The following RPH3A variants were observed in gnomAD, a reference collection of about 807,000 sequenced individuals.
RPH3A encodes the protein rabphilin-3A.
Under a neutral mutation model 102.2 loss-of-function variants are expected in RPH3A, and 48 were observed. That is an observed-to-expected ratio of 0.47 (90% CI 0.37 to 0.60). The LOEUF is 0.60. Ranked by LOEUF, RPH3A falls within the 20% of genes least tolerant of loss-of-function variation. The probability of loss-of-function intolerance (pLI) is 0.00; values close to 1 mark genes in which losing one functional copy is unlikely to be tolerated. For synonymous variants in RPH3A, 310 were observed against 324.3 expected (o/e 0.96, Z 0.47); for missense variants, 781 against 910.1 (o/e 0.86, Z 1.83).
At chr12:112,887,757 T>C (rs1187172364) in intron 16 of RPH3A, 40 bp from the exon 17 acceptor site, 2 of 1,603,864 alleles carry the variant, frequency 1.2e-6, no homozygotes, top group Middle Eastern at 1.7e-4. Flanking sequence ...TCTTAATATT[T>C]GTTCCTGTTT....
intron 14 of RPH3A, 39 bp from the exon 15 acceptor site, chr12:112,881,733 C>T (rs1162097544): frequency 6.6e-7 from 1 of 1,511,520 alleles, no homozygotes; most frequent in Non-Finnish European, 9.1e-7. Context: ...GCACTGGGCC[C>T]TCCTGAGGCC....
rs750818252 is a variant in RPH3A, at chr12:112,895,788, T to C, written c.1869T>C (p.Tyr623=). The C allele has an allele frequency of 1.9e-6, 3 of 1,613,464 alleles. No individual in the cohort carries two copies. Among genetic ancestry groups the C allele is most frequent in the Non-Finnish European group, 2.5e-6 (3 of 1,179,516 alleles). Residue 623 remains tyrosine, a synonymous_variant, in exon 21 of 22, where the codon TAT becomes TAC. Transcript: ENST00000389385. ...TCTGTTGTATTCAGGAGTTTTTCTATGACATCAAACACAGTGACCTGGCAA... is the reference window on the plus strand; with the variant it reads ...TCTGTTGTATTCAGGAGTTTTTCTACGACATCAAACACAGTGACCTGGCAA... ...LNPEFNEEFF[Y]DIKHSDLAKK... is the part of the protein sequence containing the mutation.
chr12:112,687,549 T>C lies in RPH3A; in HGVS notation c.-139-104594T>C, dbSNP rs138147389. 1.8e-3 allele frequency among the ~76,000 whole-genome samples: 281 copies of C among 152,310 alleles called. 2 individuals are homozygous for C. Among genetic ancestry groups the C allele is most frequent in the African/African-American group, 6.4e-3 (265 of 41,576 alleles). On this transcript the variant is annotated intron_variant, in intron 1 of 21. Transcript: ENST00000543106. ...CAGGGAGAAGGAGATTTGGAATGAC[T>C]ATCAGACCAGCCAGTGAGTACTGTC...
chr12:112,827,209 C>T (rs770511708), intron 2 of RPH3A, among the ~76,000 whole-genome samples: 7 of 152,276 alleles, frequency 4.6e-5, no homozygotes, highest in Middle Eastern at 3.4e-3. Context: ...AAACGCTGCA[C>T]CCCAGCACCT....
In RPH3A at chr12:112,897,174, A is replaced by C. The variant is rs960366122; in HGVS notation, c.*394A>C. The C allele has an allele frequency of 2.4e-4, 40 of 164,180 alleles. No homozygotes were observed. Among genetic ancestry groups the C allele is most frequent in the Middle Eastern group, 2.9e-3 (1 of 340 alleles). The allele number at this position is 164,180 out of a possible 1,614,324, so 10.2% of individuals were successfully genotyped here. On this transcript the variant is annotated 3_prime_UTR_variant, in exon 22 of 22. Transcript: ENST00000389385. ...CACACACACACACACACACACACAC[A>C]CCCTTTCATTCCCTGTGTTGTGTCT...
chr12:112,802,117 C>T (rs1427452942), intron 2 of RPH3A, among the ~76,000 whole-genome samples: 1 of 152,186 alleles, frequency 6.6e-6, no homozygotes, highest in Non-Finnish European at 1.5e-5. Context: ...CAGGAAGACT[C>T]ATTTTAACAG....
intron 11 of RPH3A, 62 bp from the exon 12 acceptor site, chr12:112,875,617 T>A: frequency 7.0e-7 from 1 of 1,425,272 alleles, no homozygotes; most frequent in South Asian, 1.2e-5. Context: ...AAGGAAAAGG[T>A]GAACCCCCAA....
chr12:112,722,795 G>A (rs2040559893), intron 1 of RPH3A, among the ~76,000 whole-genome samples: 1 of 152,250 alleles, frequency 6.6e-6, no homozygotes, highest in Non-Finnish European at 1.5e-5. Flanking sequence ...TGGCAGAGAA[G>A]AAGGCTAGAA....
intron 1 of RPH3A, among the ~76,000 whole-genome samples, chr12:112,701,145 T>C (rs749185661): frequency 1.3e-5 from 2 of 152,306 alleles, no homozygotes; most frequent in African/African-American, 4.8e-5. Context: ...TTATCTCTTT[T>C]AAAAATTGAT....
At chr12:112,800,936 G>A (rs1466657864) in intron 2 of RPH3A, among the ~76,000 whole-genome samples, 3 of 152,108 alleles carry the variant, frequency 2.0e-5, no homozygotes, top group African/African-American at 2.4e-5. Context: ...TAAAATGCAC[G>A]GTTCCCCTCT....
intron 1 of RPH3A, among the ~76,000 whole-genome samples, chr12:112,712,950 TCTTCTTCTTCTTC>T (rs2040479486): frequency 8.8e-6 from 1 of 113,388 alleles, no homozygotes; most frequent in African/African-American, 3.0e-5. Flanking sequence ...TTCTTCTTCT[TCTTCTTCTTCTTC>T]TTTCTTCTTC....
intron 10 of RPH3A, chr12:112,873,953 T>TTGAATGAACAAATGAA (rs1391527165): frequency 1.3e-5 from 2 of 152,214 alleles, no homozygotes; most frequent in Non-Finnish European, 2.9e-5. Context: ...TGGATGCTTG[T>TTGAATGAACAAATGAA]TGAATGAACA....
intron 1 of RPH3A, among the ~76,000 whole-genome samples, chr12:112,692,539 G>A (rs1419925495): frequency 6.6e-6 from 1 of 152,110 alleles, no homozygotes; most frequent in Admixed American, 6.5e-5. Context: ...CTACCATATT[G>A]GACAGTTCAA....
At chr12:112,741,373 G>A (rs781742392) in intron 1 of RPH3A, among the ~76,000 whole-genome samples, 1 of 152,052 alleles carries the variant, frequency 6.6e-6, no homozygotes, top group Non-Finnish European at 1.5e-5. Context: ...CCTTAATCTT[G>A]TCTAGTGACC....
chr12:112,713,005 C>CTTCTTCTTCT (rs2040483017), intron 1 of RPH3A, among the ~76,000 whole-genome samples: 1 of 66,532 alleles, frequency 1.5e-5, no homozygotes, highest in African/African-American at 6.7e-5. Flanking sequence ...CTTCCTCTTC[C>CTTCTTCTTCT]TCTTCCTCTT....
intron 1 of RPH3A, among the ~76,000 whole-genome samples, chr12:112,737,785 A>C (rs1437115091): frequency 6.6e-6 from 1 of 152,186 alleles, no homozygotes; most frequent in African/African-American, 2.4e-5. Flanking sequence ...TAACTGGAAA[A>C]AGACTGGGCC....
chr12:112,647,350 T>C (rs2039939140), intron 1 of RPH3A, among the ~76,000 whole-genome samples: 1 of 152,196 alleles, frequency 6.6e-6, no homozygotes, highest in Non-Finnish European at 1.5e-5. Flanking sequence ...TCATAATCTG[T>C]ACAATGGAAG....
chr12:112,763,625 G>A (rs1194270404), intron 1 of RPH3A, among the ~76,000 whole-genome samples: 1 of 152,190 alleles, frequency 6.6e-6, no homozygotes, highest in African/African-American at 2.4e-5. Context: ...TTATGCAGAT[G>A]AAGCTTCCAG....
At chr12:112,654,473 T>G (rs1014754762) in intron 1 of RPH3A, among the ~76,000 whole-genome samples, 3 of 152,110 alleles carry the variant, frequency 2.0e-5, no homozygotes, top group African/African-American at 7.2e-5. Flanking sequence ...GAACCACCTC[T>G]AGGAGCTCCT....
Sources: allele counts gnomAD v4.1 joint callset (sites outside exome capture counted in the v4.1 genomes callset), GRCh38; gene constraint gnomAD v4.1.1; transcripts MANE v1.5; gene names NCBI Gene and HGNC (gene_info 2026-07-23, HGNC 2026-07-21).